GFM1: variants seen among roughly 807,000 people sequenced by gnomAD.
GFM1 encodes the protein elongation factor G, mitochondrial.
GFM1 carries 62 observed loss-of-function variants against 96.2 expected under a neutral mutation model. That is an observed-to-expected ratio of 0.64 (90% confidence interval 0.53 to 0.80). The LOEUF is 0.80. Among genes scored for constraint, GFM1 ranks in the 30% least tolerant of loss-of-function variants. GFM1 has a pLI of 0.00. For synonymous variants in GFM1, 282 were observed against 312.9 expected (o/e 0.90, Z 1.04); for missense variants, 852 against 916.6 (o/e 0.93, Z 0.91).
chr3:158,687,943 A>G (rs1351101732), intron 15 of GFM1, among the ~76,000 whole-genome samples: 2 of 152,124 alleles, frequency 1.3e-5, no homozygotes, highest in East Asian at 3.8e-4. Flanking sequence ...TTTTTTACAT[A>G]CACCTCTGTT....
chr3:158,656,608 G>A (rs1434591732), intron 8 of GFM1: 1 of 152,188 alleles, frequency 6.6e-6, no homozygotes, highest in African/African-American at 2.4e-5. Flanking sequence ...CACTTGAGGG[G>A]GGAATTATGT....
intron 13 of GFM1, among the ~76,000 whole-genome samples, chr3:158,669,909 G>A (rs923438288): frequency 6.6e-6 from 1 of 152,194 alleles, no homozygotes; most frequent in African/African-American, 2.4e-5. Context: ...TGCAAGGCCA[G>A]ATTTTAATCT....
intron 7 of GFM1, 78 bp downstream of exon 7, chr3:158,653,545 T>C (rs1722477464): frequency 1.9e-6 from 2 of 1,059,936 alleles, no homozygotes; most frequent in Non-Finnish European, 2.9e-6. Flanking sequence ...TTAAGGATAG[T>C]TCTTTTAATT....
rs759831409 is a variant in GFM1 at position 158,690,065 on chromosome 3, C to T, written c.1910-98C>T. The T allele has an allele frequency of 1.6e-4, 174 of 1,066,844 alleles. No homozygotes were observed. The Middle Eastern group carries it at 1.9e-3, about 12-fold the overall frequency. 66.1% of individuals were successfully genotyped at this position (1,066,844 alleles called of 1,614,324 possible). On this transcript the variant is annotated intron_variant, in intron 15 of 17. Coordinates refer to ENST00000486715, the MANE Select transcript of GFM1 (RefSeq NM_024996.7). ...TTTAACCTTGCCGTTTGTGTTTGTA[C>T]CTTTGGGAAAGCATCATTTTTCTCC...
chr3:158,680,553 T>C (rs532404336), intron 13 of GFM1, among the ~76,000 whole-genome samples: 17 of 152,310 alleles, frequency 1.1e-4, no homozygotes, highest in Admixed American at 3.3e-4. Context: ...ATCTTTTTTG[T>C]ATTAGCCTTC....
chr3:158,686,484 T>C (rs899505235), intron 15 of GFM1, among the ~76,000 whole-genome samples: 9 of 149,780 alleles, frequency 6.0e-5, no homozygotes, highest in African/African-American at 2.2e-4. Context: ...GAGTCAGGTT[T>C]GGAGCTTTGT....
At chr3:158,681,200 A>G (rs1423157873) in intron 13 of GFM1, among the ~76,000 whole-genome samples, 9 of 152,104 alleles carry the variant, frequency 5.9e-5, no homozygotes, top group Admixed American at 5.2e-4. Context: ...CTATTTTCTT[A>G]TGTGCTAATA....
In GFM1 at chr3:158,660,869, T is replaced by C. The variant is rs1723147713; in HGVS notation, c.1222-5T>C. 1 of 1,611,780 alleles carries C rather than the reference T, an allele frequency of 6.2e-7. No individual in the cohort carries two copies. The highest frequency in any genetic ancestry group is 2.2e-5 in the East Asian group (1 of 44,846). On this transcript the variant is annotated splice_polypyrimidine_tract_variant and splice_region_variant and intron_variant, in intron 9 of 17. Transcript: ENST00000486715. Reference sequence around the variant, plus strand: ...AATATAATTTTGTGTTATTTGTTTTTTTAGGATGTTGAGGAAGTATATGCC... The same window carrying C: ...AATATAATTTTGTGTTATTTGTTTTCTTAGGATGTTGAGGAAGTATATGCC...
At chr3:158,668,718 A>G (rs1492908) in intron 13 of GFM1, among the ~76,000 whole-genome samples, 63,187 of 152,022 alleles carry the variant, frequency 0.42, 14,286 homozygotes, top group African/African-American at 0.6. Flanking sequence ...TGCAACTAAC[A>G]AAGCACAGTT....
intron 5 of GFM1, 61 bp from the exon 6 acceptor site, chr3:158,652,035 C>T (rs1395792297): frequency 5.7e-6 from 8 of 1,392,550 alleles, no homozygotes; most frequent in Non-Finnish European, 8.1e-6. Context: ...ATATATTTTT[C>T]ATTAGTCCTT....
intron 5 of GFM1, 120 bp from the exon 6 acceptor site, chr3:158,651,976 A>G (rs1722329469): frequency 1.3e-6 from 1 of 798,948 alleles, no homozygotes; most frequent in African/African-American, 1.7e-5. Context: ...TTTGAATGCA[A>G]ATGTATCAGA....
chr3:158,649,942 AGG>A, intron 5 of GFM1: 1 of 1,281,512 alleles, frequency 7.8e-7, no homozygotes, highest in Non-Finnish European at 1.1e-6. Context: ...AGACAATGTG[AGG>A]AGTCATAAAT....
chr3:158,660,285 C>G (rs532092470), intron 9 of GFM1: 1 of 144,112 alleles, frequency 6.9e-6, no homozygotes, highest in South Asian at 2.2e-4. Flanking sequence ...TTGCTCTTGT[C>G]TCCCAGGCTG....
At chr3:158,660,999 A>C (rs1317925736) in intron 10 of GFM1, 24 bp downstream of exon 10, 2 of 1,549,322 alleles carry the variant, frequency 1.3e-6, no homozygotes, top group Admixed American at 1.7e-5. Flanking sequence ...TTTCAAAGCT[A>C]CTTATCACTA....
In GFM1 at chr3:158,694,172, A is replaced by G. The variant is rs1726470136; in HGVS notation, c.*2705A>G. 6.6e-6 allele frequency among the ~76,000 whole-genome samples: 1 copy of G among 152,204 alleles called. No homozygotes were observed. The highest frequency in any genetic ancestry group is 1.5e-5 in the Non-Finnish European group (1 of 68,040). ...CTGTTCATAATGGCAAAGATATGGA[A>G]TCAACCTAAATGCCTATCACTGATA... On this transcript the variant is annotated 3_prime_UTR_variant, in exon 18 of 18. Transcript: ENST00000486715.
intron 15 of GFM1, among the ~76,000 whole-genome samples, chr3:158,689,177 CATT>C (rs1726108067): frequency 6.6e-6 from 1 of 152,228 alleles, no homozygotes; most frequent in Non-Finnish European, 1.5e-5. Flanking sequence ...TACATTTAAA[CATT>C]AGCACTTTAG....
chr3:158,678,533 G>A (rs1725091576), intron 13 of GFM1, among the ~76,000 whole-genome samples: 1 of 152,184 alleles, frequency 6.6e-6, no homozygotes, highest in Non-Finnish European at 1.5e-5. Flanking sequence ...GAATGTATTG[G>A]CAATAGCAGG....
Position 158,683,486 on chromosome 3 carries a change from A to G in GFM1, c.1765-1038A>G, listed in dbSNP as rs115630895. ...ATATCAATTATACTTCAACAAAGCT[A>G]TTCTTTTAAAATAATTAGATTTGAA... On this transcript the variant is annotated intron_variant, in intron 14 of 17. Coordinates refer to ENST00000486715, the MANE Select transcript of GFM1 (RefSeq NM_024996.7). Among the ~76,000 whole-genome samples the G allele has an allele frequency of 9.5e-3, 1,444 of 152,354 alleles. 16 individuals are homozygous for G. Among genetic ancestry groups the G allele is most frequent in the African/African-American group, 0.033 (1,359 of 41,570 alleles).
intron 5 of GFM1, chr3:158,650,196 A>G: frequency 2.6e-6 from 2 of 760,732 alleles, no homozygotes; most frequent in Non-Finnish European, 4.5e-6. Context: ...GAGTAATGAC[A>G]ACAAAGTTTA....
Sources: allele counts gnomAD v4.1 joint callset (sites outside exome capture counted in the v4.1 genomes callset), GRCh38; gene constraint gnomAD v4.1.1; transcripts MANE v1.5; gene names NCBI Gene and HGNC (gene_info 2026-07-23, HGNC 2026-07-21).